CNTNAP2: variants seen among roughly 807,000 people sequenced by gnomAD.
CNTNAP2 encodes the protein contactin associated protein 2.
A neutral mutation model predicts 155.2 loss-of-function variants in CNTNAP2; 98 were observed. The observed-to-expected ratio is 0.63, with a 90% CI of 0.54 to 0.75. The LOEUF (loss-of-function observed/expected upper bound fraction) is 0.75, where lower values mean the gene tolerates loss of function less well. Among genes scored for constraint, CNTNAP2 ranks in the 30% least tolerant of loss-of-function variants. The pLI, the probability that CNTNAP2 is intolerant of heterozygous loss-of-function variation, is 0.00. For missense variants in CNTNAP2, 1,727 were observed against 1,688.1 expected (o/e 1.02, Z -0.40); for synonymous variants, 651 against 631.2 (o/e 1.03, Z -0.47).
At chr7:146,398,778 A>ATC (rs1795671601) in intron 1 of CNTNAP2, among the ~76,000 whole-genome samples, 1 of 152,052 alleles carries the variant, frequency 6.6e-6, no homozygotes, top group Admixed American at 6.6e-5. Context: ...ATATATATAT[A>ATC]TTTATTTGGC....
intron 12 of CNTNAP2, among the ~76,000 whole-genome samples, chr7:147,618,326 G>A (rs1801331016): frequency 6.6e-6 from 1 of 152,100 alleles, no homozygotes; most frequent in Non-Finnish European, 1.5e-5. Context: ...GCCACACCCA[G>A]TCTAGCAAGA....
At chr7:147,579,703 C>G (rs1800463212) in intron 12 of CNTNAP2, among the ~76,000 whole-genome samples, 1 of 152,102 alleles carries the variant, frequency 6.6e-6, no homozygotes, top group South Asian at 2.1e-4. Context: ...ATCTTATTCT[C>G]ATTCTAAGCA....
At chr7:147,189,358 A>G (rs1563109004) in intron 8 of CNTNAP2, among the ~76,000 whole-genome samples, 1 of 152,178 alleles carries the variant, frequency 6.6e-6, no homozygotes, top group Non-Finnish European at 1.5e-5. Context: ...GTACTTTCTA[A>G]CTGATATATG....
chr7:147,017,898 C>A (rs758312446), intron 3 of CNTNAP2, among the ~76,000 whole-genome samples: 16 of 151,924 alleles, frequency 1.1e-4, no homozygotes, highest in Non-Finnish European at 1.8e-4. Flanking sequence ...ACAAAATTGG[C>A]TAATAATGTC....
At chr7:146,932,418 G>T (rs1379166819) in intron 3 of CNTNAP2, among the ~76,000 whole-genome samples, 8 of 151,730 alleles carry the variant, frequency 5.3e-5, no homozygotes, top group Non-Finnish European at 8.8e-5. Flanking sequence ...AATAAATTAG[G>T]TATTGATGGG....
rs562721064 is a variant in CNTNAP2, at chr7:148,351,971, C to T, written c.3476-31678C>T. Among the ~76,000 whole-genome samples, 14 of 152,142 alleles carry T rather than the reference C, an allele frequency of 9.2e-5. No individual in the cohort carries two copies. The South Asian group carries it at 2.5e-3, about 27-fold the overall frequency. ...CACTCCTGCCATCACACCTACTTCC[C>T]GGCCATTCAGAAGGGGAGAGGGGAA... On this transcript the variant is annotated intron_variant, in intron 21 of 23. Transcript: ENST00000361727.
intron 15 of CNTNAP2, among the ~76,000 whole-genome samples, chr7:148,058,988 A>G (rs1803077111): frequency 6.6e-6 from 1 of 151,954 alleles, no homozygotes; most frequent in African/African-American, 2.4e-5. Context: ...ATGAAAATTC[A>G]TCAAGGGCCA....
At chr7:147,451,548 C>A (rs896480850) in intron 10 of CNTNAP2, among the ~76,000 whole-genome samples, 1 of 151,990 alleles carries the variant, frequency 6.6e-6, no homozygotes, top group Non-Finnish European at 1.5e-5. Flanking sequence ...AGTAATAATA[C>A]AACTAGGGCC....
chr7:146,793,396 A>T (rs914655593), intron 2 of CNTNAP2, among the ~76,000 whole-genome samples: 1 of 152,240 alleles, frequency 6.6e-6, no homozygotes, highest in South Asian at 2.1e-4. Flanking sequence ...CTGAGTAGCC[A>T]CAGGTATTGA....
intron 8 of CNTNAP2, among the ~76,000 whole-genome samples, chr7:147,255,520 C>A (rs1010638435): frequency 2.6e-5 from 4 of 151,924 alleles, no homozygotes; most frequent in Non-Finnish European, 5.9e-5. Context: ...CCATGCCCGG[C>A]CAAATATTAT....
At chr7:147,633,647 TG>T (rs1233544071) in intron 12 of CNTNAP2, among the ~76,000 whole-genome samples, 2 of 152,056 alleles carry the variant, frequency 1.3e-5, no homozygotes, top group Non-Finnish European at 2.9e-5. Context: ...AATTGAATCA[TG>T]GAGGCAGTTT....
chr7:146,220,591 T>G (rs1799191171), intron 1 of CNTNAP2, among the ~76,000 whole-genome samples: 1 of 152,192 alleles, frequency 6.6e-6, no homozygotes, highest in Non-Finnish European at 1.5e-5. Context: ...ACTTAATGAA[T>G]TGGATTATAC....
intron 13 of CNTNAP2, among the ~76,000 whole-genome samples, chr7:147,810,907 G>A (rs1245687126): frequency 2.0e-5 from 3 of 152,170 alleles, no homozygotes; most frequent in Admixed American, 1.3e-4. Context: ...TCTTTCTGTG[G>A]TATGGGAGCT....
chr7:146,316,934 A>G (rs1206848705), intron 1 of CNTNAP2, among the ~76,000 whole-genome samples: 2 of 149,016 alleles, frequency 1.3e-5, no homozygotes, highest in Non-Finnish European at 2.9e-5. Flanking sequence ...GCCTTGTTCA[A>G]TGGGGATTCA....
At chr7:147,388,502 A>G (rs1189344583) in intron 9 of CNTNAP2, among the ~76,000 whole-genome samples, 1 of 152,220 alleles carries the variant, frequency 6.6e-6, no homozygotes, top group Admixed American at 6.5e-5. Flanking sequence ...TTCTGTATCT[A>G]TCTACATATA....
chr7:146,903,736 G>C (rs190578083), intron 3 of CNTNAP2, among the ~76,000 whole-genome samples: 1 of 152,300 alleles, frequency 6.6e-6, no homozygotes, highest in East Asian at 1.9e-4. Context: ...TGGGCAAAGA[G>C]AAGATATTAA....
At chr7:147,086,639 A>G (rs905849123) in intron 4 of CNTNAP2, among the ~76,000 whole-genome samples, 5 of 152,062 alleles carry the variant, frequency 3.3e-5, no homozygotes, top group African/African-American at 9.6e-5. Flanking sequence ...GGGTCTCTCT[A>G]TGTTGCCCAG....
chr7:147,460,996 A>G (rs2021045), intron 10 of CNTNAP2, among the ~76,000 whole-genome samples: 118,927 of 152,152 alleles, frequency 0.78, 46,843 homozygotes, highest in African/African-American at 0.88. Context: ...GTGATGGTAT[A>G]TTTTGAGTTA....
Position 147,365,768 on chromosome 7 carries a change from A to G in CNTNAP2, c.1499-29841A>G, listed in dbSNP as rs559698716. On this transcript the variant is annotated intron_variant, in intron 9 of 23. Transcript: ENST00000361727. ...TATAATTATTTGTTCATTTCTATCA[A>G]CATAGTCACCCACTGTTTCCCATTG... Among the ~76,000 whole-genome samples the G allele has an allele frequency of 3.6e-4, 55 of 152,318 alleles. No homozygotes were observed. The South Asian group carries it at 3.7e-3, about 10-fold the overall frequency.
Sources: gnomAD v4.1 joint callset for allele counts (sites outside exome capture counted in the v4.1 genomes callset) on GRCh38, gnomAD v4.1.1 for gene constraint, MANE v1.5 for transcripts, NCBI Gene and HGNC (gene_info 2026-07-23, HGNC 2026-07-21) for gene names.